Variants in MGAM2 observed in about 807,000 individuals in gnomAD.
MGAM2 encodes the protein maltase-glucoamylase 2 (putative).
A neutral mutation model predicts 96.1 loss-of-function variants in MGAM2; 98 were observed. That is an observed-to-expected ratio of 1.02 (90% CI 0.87 to 1.21). MGAM2 has a LOEUF of 1.21. Ranked by LOEUF, MGAM2 falls within the 50% of genes most tolerant of loss-of-function variation. The probability of loss-of-function intolerance (pLI) is 0.00; values close to 1 mark genes in which losing one functional copy is unlikely to be tolerated. For synonymous variants in MGAM2, 749 were observed against 414.8 expected (o/e 1.81, Z -9.79); for missense variants, 2,055 against 1,182.4 (o/e 1.74, Z -10.82).
At position 142,188,097 on chromosome 7, in the gene MGAM2, A is replaced by G. The variant is rs1796756038; in HGVS notation, c.4207+263A>G. Among the ~76,000 whole-genome samples, 8 of 134,902 alleles carry G rather than the reference A, an allele frequency of 5.9e-5. No individual in the cohort carries two copies. The Admixed American group carries it at 6.5e-4, about 11-fold the overall frequency. 88.5% of individuals were successfully genotyped at this position (134,902 alleles called of 152,430 possible). A position where few individuals can be genotyped will look rare whatever the true frequency, so the allele number is the denominator to read the frequency against. On this transcript the variant is annotated intron_variant, in intron 36 of 47. Transcript: ENST00000477922. ...CTATGAACAGATTGCTAAAATTTTAAATAAACCCTTAAACACACACACACA... is the reference window on the plus strand; with the variant it reads ...CTATGAACAGATTGCTAAAATTTTAGATAAACCCTTAAACACACACACACA...
intron 37 of MGAM2, among the ~76,000 whole-genome samples, chr7:142,195,297 G>T (rs1037027508): frequency 6.7e-6 from 1 of 149,250 alleles, no homozygotes; most frequent in Non-Finnish European, 1.5e-5. Context: ...GCCTCCCAAG[G>T]TGCTGGGATT....
At chr7:142,123,464 C>G (rs1488722472) in intron 3 of MGAM2, among the ~76,000 whole-genome samples, 1 of 152,148 alleles carries the variant, frequency 6.6e-6, no homozygotes, top group Non-Finnish European at 1.5e-5. Context: ...ACATCCTAAT[C>G]AACGCTTGGT....
At chr7:142,164,403 C>T (rs1795972157) in intron 23 of MGAM2, among the ~76,000 whole-genome samples, 2 of 152,146 alleles carry the variant, frequency 1.3e-5, no homozygotes, top group African/African-American at 4.8e-5. Context: ...AAATGCTTAG[C>T]ACAGTGCCTG....
chr7:142,162,985 C>G (rs577088467), intron 23 of MGAM2, among the ~76,000 whole-genome samples: 1 of 152,068 alleles, frequency 6.6e-6, no homozygotes, highest in African/African-American at 2.4e-5. Context: ...ATCATCTGTT[C>G]GCCATTTCTA....
intron 18 of MGAM2, 38 bp downstream of exon 18, chr7:142,158,129 G>A: frequency 2.9e-6 from 2 of 700,166 alleles, no homozygotes; most frequent in Non-Finnish European, 5.2e-6. Context: ...CTTTCTGATT[G>A]TAGTTTCACT....
chr7:142,180,406 G>T (rs1326050137), intron 32 of MGAM2, among the ~76,000 whole-genome samples: 1 of 151,882 alleles, frequency 6.6e-6, no homozygotes, highest in Non-Finnish European at 1.5e-5. Flanking sequence ...GGGTAAGTTT[G>T]TTCCTGTTTT....
rs1207676177 is a variant in MGAM2, at chr7:142,186,117, G to C, written c.4116G>C (p.Leu1372Phe). 8 of 704,592 alleles carry C rather than the reference G, an allele frequency of 1.1e-5. No homozygotes were observed. The highest frequency in any genetic ancestry group is 4.0e-5 in the Admixed American group (2 of 49,866). 43.6% of individuals were successfully genotyped at this position (704,592 alleles called of 1,614,324 possible). The change falls in exon 35 of 48, where the codon TTG (leucine) becomes TTC (phenylalanine). Residue 1372 changes from leucine to phenylalanine, a missense_variant. By Grantham distance (22) the Leu-to-Phe change is conservative. Transcript: ENST00000477922. ...AGAAGAGCTTGAAGTTTGATGGATTGTGGATTGTAAGTGCACCCTTGGTTG... is the reference window on the plus strand; with the variant it reads ...AGAAGAGCTTGAAGTTTGATGGATTCTGGATTGTAAGTGCACCCTTGGTTG... ...EPEKSLKFDG[L>F]WIDMNEPSNF...
intron 6 of MGAM2, among the ~76,000 whole-genome samples, chr7:142,132,588 T>C (rs1278088404): frequency 7.7e-6 from 1 of 129,504 alleles, no homozygotes; most frequent in African/African-American, 3.0e-5. Context: ...TTTAATCAAC[T>C]ATATAATTTA....
rs951303139 is a variant in MGAM2, at chr7:142,127,721, C to T, written c.187-3227C>T. Among the ~76,000 whole-genome samples, 33 of 152,258 alleles carry T rather than the reference C, an allele frequency of 2.2e-4. 2 individuals are homozygous for T. In the South Asian group the frequency reaches 4.6e-3, roughly 21 times the overall value. ...CCCCTGCACAAGCTCTCTTGCCTGCCGCCATGTAAGACATCCCTTTGCACT... is the reference window on the plus strand; with the variant it reads ...CCCCTGCACAAGCTCTCTTGCCTGCTGCCATGTAAGACATCCCTTTGCACT... On this transcript the variant is annotated intron_variant, in intron 3 of 47. Coordinates refer to ENST00000477922, the MANE Select transcript of MGAM2 (RefSeq NM_001293626.2).
Position 142,135,439 on chromosome 7 carries a change from T to C in MGAM2, c.748-1102T>C, listed in dbSNP as rs75930251. Among the ~76,000 whole-genome samples, 135 of 152,282 alleles carry C rather than the reference T, an allele frequency of 8.9e-4. 1 individual carries two copies. Among genetic ancestry groups the C allele is most frequent in the Non-Finnish European group, 1.7e-3 (115 of 68,024 alleles). ...TCTTTTTTCTTGCCTTTCTCCCCTG[T>C]TTTTTTCTTTCTTTAAAATGTATTT... On this transcript the variant is annotated intron_variant, in intron 7 of 47. Transcript: ENST00000477922.
At position 142,137,495 on chromosome 7, in the gene MGAM2, T is replaced by C; in HGVS notation, c.910T>C (p.Tyr304His). ...CACGATTGGAGGCATTCTTGACTTTTACGTATTCCTAGGAAACACTCCAGA... is the reference window on the plus strand; with the variant it reads ...CACGATTGGAGGCATTCTTGACTTTCACGTATTCCTAGGAAACACTCCAGA... Reference protein sequence around the residue: ...YRTIGGILDFYVFLGNTPEQV... With the variant: ...YRTIGGILDFHVFLGNTPEQV... The change falls in exon 9 of 48, where the codon TAC (tyrosine) becomes CAC (histidine). Residue 304 changes from tyrosine to histidine, a missense_variant. Physicochemically the swap from Tyr to His is moderately conservative, Grantham distance 83. Coordinates refer to ENST00000477922, the MANE Select transcript of MGAM2 (RefSeq NM_001293626.2). 1 of 702,200 alleles carries C rather than the reference T, an allele frequency of 1.4e-6. No homozygotes were observed. The allele number at this position is 702,200 out of a possible 1,614,324, so 43.5% of individuals were successfully genotyped here. A position where few individuals can be genotyped will look rare whatever the true frequency, so the allele number is the denominator to read the frequency against.
rs1156521057 is a variant in MGAM2 at position 142,183,262 on chromosome 7, G to T, written c.3817-4G>T. 4.3e-6 allele frequency: 3 copies of T among 700,394 alleles called. No homozygotes were observed. Among genetic ancestry groups the T allele is most frequent in the Admixed American group, 2.0e-5 (1 of 49,384 alleles). The allele number at this position is 700,394 out of a possible 1,614,324, so 43.4% of individuals were successfully genotyped here. A position where few individuals can be genotyped will look rare whatever the true frequency, so the allele number is the denominator to read the frequency against. ...ATTTGCTGTTTGAAATTCTTTTACT[G>T]CAGGACCCAGCCATTTCTGGCAATG... On this transcript the variant is annotated splice_region_variant and splice_polypyrimidine_tract_variant and intron_variant, in intron 32 of 47. Coordinates refer to ENST00000477922, the MANE Select transcript of MGAM2 (RefSeq NM_001293626.2).
chr7:142,191,771 A>G (rs1796878378), intron 37 of MGAM2, among the ~76,000 whole-genome samples: 1 of 152,232 alleles, frequency 6.6e-6, no homozygotes, highest in Non-Finnish European at 1.5e-5. Flanking sequence ...GGATTTTGAT[A>G]GTTTTTACAT....
At chr7:142,149,084 G>A (rs1044520094) in intron 15 of MGAM2, among the ~76,000 whole-genome samples, 5 of 151,914 alleles carry the variant, frequency 3.3e-5, no homozygotes, top group East Asian at 1.9e-4. Flanking sequence ...AAAATTAGTC[G>A]GGTGTGGTGG....
At chr7:142,207,243 C>T (rs921218562) in intron 45 of MGAM2, among the ~76,000 whole-genome samples, 1 of 151,988 alleles carries the variant, frequency 6.6e-6, no homozygotes, top group Non-Finnish European at 1.5e-5. Flanking sequence ...GCCTAAAAAT[C>T]CTGAACAGTG....
At chr7:142,208,544 G>T (rs1373558889) in intron 45 of MGAM2, 29 bp from the exon 46 acceptor site, 2 of 701,362 alleles carry the variant, frequency 2.9e-6, no homozygotes, top group African/African-American at 1.8e-5. Context: ...GTTAGTAGTT[G>T]CTTATTCTTT....
At chr7:142,216,357 A>T (rs1334587763) in intron 46 of MGAM2, among the ~76,000 whole-genome samples, 2 of 152,170 alleles carry the variant, frequency 1.3e-5, no homozygotes, top group African/African-American at 4.8e-5. Context: ...TGTGTTTTTT[A>T]AAAAATTGTA....
At chr7:142,198,793 C>G in intron 44 of MGAM2, 54 bp downstream of exon 44, 8 of 666,102 alleles carry the variant, frequency 1.2e-5, no homozygotes, top group South Asian at 1.1e-4. Context: ...AATGAGGAAG[C>G]CTTACAGGAG....
At chr7:142,152,907 T>A (rs989914522) in intron 15 of MGAM2, among the ~76,000 whole-genome samples, 4 of 152,032 alleles carry the variant, frequency 2.6e-5, no homozygotes, top group African/African-American at 9.7e-5. Context: ...CATCCAACCA[T>A]AGGTCACCCC....
Sources: gnomAD v4.1 joint callset for allele counts (sites outside exome capture counted in the v4.1 genomes callset) on GRCh38, gnomAD v4.1.1 for gene constraint, MANE v1.5 for transcripts, NCBI Gene and HGNC (gene_info 2026-07-23, HGNC 2026-07-21) for gene names.